SCFD2: variants seen among roughly 807,000 people sequenced by gnomAD.
SCFD2 encodes sec1 family domain-containing protein 2.
Under a neutral mutation model 58.9 loss-of-function variants are expected in SCFD2, and 54 were observed. The ratio of observed to expected loss-of-function variants is 0.92; its 90% CI spans 0.74 to 1.15. SCFD2 has a LOEUF of 1.15. Ranked by LOEUF, SCFD2 falls within the 50% of genes most tolerant of loss-of-function variation. SCFD2 has a pLI of 0.00. For synonymous variants in SCFD2, 321 were observed against 335.9 expected (o/e 0.96, Z 0.49); for missense variants, 805 against 836.6 (o/e 0.96, Z 0.47).
chr4:53,171,946 C>T (rs1727190091), intron 4 of SCFD2, among the ~76,000 whole-genome samples: 1 of 149,888 alleles, frequency 6.7e-6, no homozygotes, highest in Non-Finnish European at 1.5e-5. Context: ...CTCTTAATGT[C>T]ATTGATTTGA....
intron 2 of SCFD2, among the ~76,000 whole-genome samples, chr4:53,314,055 T>G (rs777263560): frequency 5.9e-5 from 9 of 152,304 alleles, no homozygotes; most frequent in Non-Finnish European, 1.3e-4. Context: ...ATTTTGCACT[T>G]AAATCTTTCA....
At chr4:52,899,911 C>T (rs572830770) in intron 7 of SCFD2, among the ~76,000 whole-genome samples, 6 of 152,286 alleles carry the variant, frequency 3.9e-5, no homozygotes, top group African/African-American at 7.2e-5. Flanking sequence ...CATCTTCCAT[C>T]GCTGATACCC....
At chr4:52,972,113 A>G (rs1173148097) in intron 5 of SCFD2, among the ~76,000 whole-genome samples, 10 of 152,188 alleles carry the variant, frequency 6.6e-5, no homozygotes, top group African/African-American at 2.2e-4. Context: ...ATCAATTAAC[A>G]AGCAAAATAA....
intron 5 of SCFD2, among the ~76,000 whole-genome samples, chr4:52,924,442 G>A (rs961387028): frequency 3.9e-5 from 6 of 152,086 alleles, no homozygotes; most frequent in African/African-American, 7.2e-5. Context: ...ACTGCTGGAC[G>A]GAAAATGCAA....
intron 5 of SCFD2, among the ~76,000 whole-genome samples, chr4:53,039,225 C>A (rs1317685053): frequency 1.3e-5 from 2 of 152,092 alleles, no homozygotes; most frequent in East Asian, 1.9e-4. Context: ...GGCTCTCAGG[C>A]CACGGTCTAA....
chr4:53,356,404 A>C (rs1202955961), intron 1 of SCFD2, among the ~76,000 whole-genome samples: 1 of 152,182 alleles, frequency 6.6e-6, no homozygotes, highest in Non-Finnish European at 1.5e-5. Flanking sequence ...TTCTTGAAGG[A>C]AGAGGTATCA....
At chr4:52,940,303 CT>C (rs1720259499) in intron 5 of SCFD2, among the ~76,000 whole-genome samples, 1 of 152,170 alleles carries the variant, frequency 6.6e-6, no homozygotes, top group South Asian at 2.1e-4. Flanking sequence ...TCCGACTACA[CT>C]CAGCATGTAT....
At chr4:53,280,043 T>C (rs1246882748) in intron 3 of SCFD2, among the ~76,000 whole-genome samples, 4 of 152,376 alleles carry the variant, frequency 2.6e-5, no homozygotes, top group South Asian at 2.1e-4. Context: ...AATTACTGCA[T>C]ATACTTGACA....
intron 5 of SCFD2, among the ~76,000 whole-genome samples, chr4:53,023,552 C>G (rs1299446278): frequency 6.6e-6 from 1 of 152,260 alleles, no homozygotes; most frequent in East Asian, 1.9e-4. Context: ...TCTTAGTTCT[C>G]ACTTTTCTTT....
At chr4:52,897,126 T>C (rs568621990) in intron 7 of SCFD2, among the ~76,000 whole-genome samples, 5 of 151,956 alleles carry the variant, frequency 3.3e-5, no homozygotes, top group Admixed American at 3.3e-4. Context: ...ACTTCCTCTT[T>C]TCCTAATTGA....
intron 4 of SCFD2, among the ~76,000 whole-genome samples, chr4:53,176,618 T>C (rs759657285): frequency 2.0e-5 from 3 of 152,206 alleles, no homozygotes; most frequent in Non-Finnish European, 2.9e-5. Context: ...CTGTTCTGAC[T>C]GCACTGTGAG....
At chr4:52,999,376 T>C (rs1427753741) in intron 5 of SCFD2, among the ~76,000 whole-genome samples, 1 of 152,186 alleles carries the variant, frequency 6.6e-6, no homozygotes, top group Non-Finnish European at 1.5e-5. Flanking sequence ...CAGATTGCAA[T>C]TCTGTTCCTC....
At chr4:53,135,449 T>C (rs572296412) in intron 5 of SCFD2, among the ~76,000 whole-genome samples, 238 of 152,268 alleles carry the variant, frequency 1.6e-3, no homozygotes, top group Admixed American at 2.7e-3. Context: ...AATAAGAGGA[T>C]CTCAGGCTAG....
chr4:52,966,845 T>C (rs573907227), intron 5 of SCFD2, among the ~76,000 whole-genome samples: 1 of 152,342 alleles, frequency 6.6e-6, no homozygotes, highest in South Asian at 2.1e-4. Context: ...GTAAAGCTCA[T>C]GTATATAACA....
intron 3 of SCFD2, among the ~76,000 whole-genome samples, chr4:53,279,467 A>C (rs1470877705): frequency 6.6e-6 from 1 of 152,194 alleles, no homozygotes; most frequent in Non-Finnish European, 1.5e-5. Flanking sequence ...AATTTAGCTA[A>C]GAGAAAAACA....
At chr4:52,930,806 CAA>C (rs952994297) in intron 5 of SCFD2, among the ~76,000 whole-genome samples, 7 of 152,032 alleles carry the variant, frequency 4.6e-5, no homozygotes, top group African/African-American at 1.7e-4. Flanking sequence ...ACACTGTAGA[CAA>C]AGAGATTCTG....
At chr4:53,140,187 C>A (rs1179511847) in intron 5 of SCFD2, among the ~76,000 whole-genome samples, 2 of 150,018 alleles carry the variant, frequency 1.3e-5, no homozygotes, top group African/African-American at 4.9e-5. Flanking sequence ...CCGAGAAACA[C>A]CCAAGAATGA....
intron 5 of SCFD2, among the ~76,000 whole-genome samples, chr4:52,965,980 T>C (rs1224028128): frequency 6.6e-6 from 1 of 152,198 alleles, no homozygotes; most frequent in Non-Finnish European, 1.5e-5. Flanking sequence ...GCTAAAAATG[T>C]GCTAAACTTG....
At chr4:53,138,398 G>A (rs527893765) in intron 5 of SCFD2, among the ~76,000 whole-genome samples, 190 of 152,258 alleles carry the variant, frequency 1.2e-3, no homozygotes, top group African/African-American at 4.4e-3. Flanking sequence ...TTTAAAAATA[G>A]TGTTTTGATT....
Sources: allele counts gnomAD v4.1 joint callset (sites outside exome capture counted in the v4.1 genomes callset), GRCh38; gene constraint gnomAD v4.1.1; transcripts MANE v1.5; gene names NCBI Gene and HGNC (gene_info 2026-07-23, HGNC 2026-07-21).